Variants in ZNF428 observed in about 807,000 individuals in gnomAD.
ZNF428 encodes zinc finger protein 428.
A neutral mutation model predicts 15.6 loss-of-function variants in ZNF428; 5 were observed. The observed-to-expected ratio is 0.32, with a 90% CI of 0.17 to 0.67. The LOEUF (loss-of-function observed/expected upper bound fraction) is 0.67, where lower values mean the gene tolerates loss of function less well. Ranked by LOEUF, ZNF428 falls within the 30% of genes least tolerant of loss-of-function variation. The pLI is 0.73. For missense variants in ZNF428, 237 were observed against 256.0 expected, an observed-to-expected ratio of 0.93 and a Z score of 0.51; for synonymous variants, 97 against 102.2, an observed-to-expected ratio of 0.95 and a Z score of 0.31.
At position 43,612,218 on chromosome 19, in the gene ZNF428, A is replaced by T; in HGVS notation, c.76+2011T>A. The T allele has an allele frequency of 6.4e-7, 1 of 1,551,710 alleles. No homozygotes were observed. Among genetic ancestry groups the T allele is most frequent in the Non-Finnish European group, 8.7e-7 (1 of 1,147,000 alleles). ...GGATCCCAAGCCTCCTGCCTCCTTG[A>T]AGTCCACCAAATCAGCAACACCCAA... On this transcript the variant is annotated intron_variant, in intron 2 of 2. Transcript: ENST00000300811. The surrounding 1 kb of genome is among the most constrained non-coding windows in gnomAD (Gnocchi z 4.2).
chr19:43,614,755 C>T lies in ZNF428; in HGVS notation c.-130-321G>A, dbSNP rs535610673. On this transcript the variant is annotated intron_variant, in intron 1 of 2. Coordinates refer to ENST00000300811, the MANE Select transcript of ZNF428 (RefSeq NM_182498.4). ...CTGGAACTACAAGTGTGCGTCCTCA[C>T]GCCCGGCTAATTTTGTATTTTTAGT... 2.4e-3 allele frequency among the ~76,000 whole-genome samples: 368 copies of T among 152,308 alleles called. 6 individuals are homozygous for T. Among genetic ancestry groups the T allele is most frequent in the African/African-American group, 7.7e-3 (321 of 41,578 alleles).
Position 43,612,597 on chromosome 19 carries a change from G to A in ZNF428, c.76+1632C>T. On this transcript the variant is annotated intron_variant, in intron 2 of 2. Coordinates refer to ENST00000300811, the MANE Select transcript of ZNF428 (RefSeq NM_182498.4). This position sits in a 1 kb window ranked among gnomAD's most constrained non-coding sequence, Gnocchi z 4.2. Reference sequence around the variant, plus strand: ...AGACCAGGCATGGCCAGCAGGGTGAGAACTCCCACTTCACAGCAAAAAGGG... The same window carrying A: ...AGACCAGGCATGGCCAGCAGGGTGAAAACTCCCACTTCACAGCAAAAAGGG... 1.9e-6 allele frequency: 3 copies of A among 1,551,558 alleles called. No homozygotes were observed. Among genetic ancestry groups the A allele is most frequent in the Non-Finnish European group, 2.6e-6 (3 of 1,146,972 alleles).
chr19:43,614,239 G>A lies in ZNF428; in HGVS notation c.66C>T (p.Asp22=), dbSNP rs1468083036. 3.1e-6 allele frequency: 5 copies of A among 1,614,080 alleles called. No homozygotes were observed. The highest frequency in any genetic ancestry group is 1.3e-5 in the African/African-American group (1 of 74,924). Residue 22 remains aspartate (D), a synonymous_variant, in exon 2 of 3, where the codon GAC becomes GAT. Coordinates refer to ENST00000300811, the MANE Select transcript of ZNF428 (RefSeq NM_182498.4). ...CTAAGGCCACCTTACCTGGGGAAAG[G>A]TCTTCATCATCTTCTTCCAAGCTGG... The part of the protein sequence containing the change: ...GYASLEEDDE[D]LSPGPEHSSD...
chr19:43,615,199 C>T (rs1323393563), intron 1 of ZNF428, among the ~76,000 whole-genome samples: 1 of 152,066 alleles, frequency 6.6e-6, no homozygotes, highest in Non-Finnish European at 1.5e-5. Context: ...ATGTGTGGGG[C>T]TTTTTCCCCA....
rs1973247946 is a variant in ZNF428, at chr19:43,607,370, A to AATACACAC, written c.*239_*246dup. On this transcript the variant is annotated 3_prime_UTR_variant, in exon 3 of 3. Transcript: ENST00000300811. This position sits in a 1 kb window ranked among gnomAD's most constrained non-coding sequence, Gnocchi z 5.1. ...GTTCCCCAAGAAGGAGCCCAGGGGG[A>AATACACAC]ATACACACACACACACACACACACA... is the stretch of plus-strand genomic sequence containing the variant. 21 of 435,616 alleles carry AATACACAC rather than the reference A, an allele frequency of 4.8e-5. No individual in the cohort carries two copies. The South Asian group carries it at 1.4e-3, about 29-fold the overall frequency. 27.0% of individuals were successfully genotyped at this position (435,616 alleles called of 1,614,324 possible).
chr19:43,616,903 G>GC (rs1973376965), intron 1 of ZNF428, among the ~76,000 whole-genome samples: 1 of 148,928 alleles, frequency 6.7e-6, no homozygotes, highest in Non-Finnish European at 1.5e-5. Context: ...CCTCTACCCT[G>GC]CATCAGCCTC....
rs1040196438 is a variant in ZNF428, at chr19:43,612,717, C to T, written c.76+1512G>A. On this transcript the variant is annotated intron_variant, in intron 2 of 2. Transcript: ENST00000300811. This position sits in a 1 kb window ranked among gnomAD's most constrained non-coding sequence, Gnocchi z 4.2. ...CTGAGCAAGAAGAGTTACCGCCCAC[C>T]AGGAGGCTCAGGTATAGGGAGGAGT... 2 of 1,551,510 alleles carry T rather than the reference C, an allele frequency of 1.3e-6. No homozygotes were observed. The highest frequency in any genetic ancestry group is 8.7e-7 in the Non-Finnish European group (1 of 1,147,004).
In ZNF428 at chr19:43,613,164, G is replaced by T; in HGVS notation, c.76+1065C>A. 2.6e-6 allele frequency: 4 copies of T among 1,551,678 alleles called. No individual in the cohort carries two copies. The South Asian group carries it at 4.8e-5, about 18-fold the overall frequency. On this transcript the variant is annotated intron_variant, in intron 2 of 2. Coordinates refer to ENST00000300811, the MANE Select transcript of ZNF428 (RefSeq NM_182498.4). ...AGTCAAAACCAATCTAGAACCCCCA[G>T]AAGAGGAAGAAGTCACAACTGGTCT...
At chr19:43,609,350 T>C (rs1973271218) in intron 2 of ZNF428, among the ~76,000 whole-genome samples, 1 of 51,270 alleles carries the variant, frequency 2.0e-5, no homozygotes, top group Non-Finnish European at 4.0e-5. Context: ...CTTTTATATC[T>C]GTGGCCATGG....
At position 43,612,161 on chromosome 19, in the gene ZNF428, C is replaced by T. The variant is rs1418911225; in HGVS notation, c.76+2068G>A. On this transcript the variant is annotated intron_variant, in intron 2 of 2. Coordinates refer to ENST00000300811, the MANE Select transcript of ZNF428 (RefSeq NM_182498.4). The surrounding 1 kb of genome is among the most constrained non-coding windows in gnomAD (Gnocchi z 4.2). ...GAGATCTTCAAAGCCCAGTATGTCTCTGGCACCCAGTGGATCCTCCATGCC... is the reference window on the plus strand; with the variant it reads ...GAGATCTTCAAAGCCCAGTATGTCTTTGGCACCCAGTGGATCCTCCATGCC... The T allele has an allele frequency of 2.6e-6, 4 of 1,551,626 alleles. No individual in the cohort carries two copies. The Admixed American group carries it at 7.8e-5, about 30-fold the overall frequency.
chr19:43,610,052 C>T (rs1241394204), intron 2 of ZNF428, among the ~76,000 whole-genome samples: 1 of 152,102 alleles, frequency 6.6e-6, no homozygotes, highest in Non-Finnish European at 1.5e-5. Flanking sequence ...CCTCACCTTC[C>T]AACACCCCAG....
At chr19:43,608,611 A>T (rs1343080387) in intron 2 of ZNF428, 1 of 154,106 alleles carries the variant, frequency 6.5e-6, no homozygotes, top group Non-Finnish European at 1.4e-5. Flanking sequence ...AGCCTGGGTG[A>T]CAGAGTGAGA....
intron 2 of ZNF428, among the ~76,000 whole-genome samples, chr19:43,610,730 G>C (rs1419266385): frequency 6.6e-6 from 1 of 152,126 alleles, no homozygotes. Flanking sequence ...CCCTCTGGTG[G>C]GAATGTCCTG....
rs375446507 is a variant in ZNF428, at chr19:43,614,352, C to T, written c.-48G>A. On this transcript the variant is annotated 5_prime_UTR_variant, in exon 2 of 3. Coordinates refer to ENST00000300811, the MANE Select transcript of ZNF428 (RefSeq NM_182498.4). ...CAGGAGCAGAGCAGCAGCTGAGCAG[C>T]GTCCCTCCCCGGCCAGCTCTCCACA... 1.1e-4 allele frequency: 174 copies of T among 1,547,706 alleles called. No individual in the cohort carries two copies. Among genetic ancestry groups the T allele is most frequent in the Non-Finnish European group, 1.4e-4 (161 of 1,149,908 alleles).
At chr19:43,609,779 A>T (rs958400134) in intron 2 of ZNF428, among the ~76,000 whole-genome samples, 1 of 151,684 alleles carries the variant, frequency 6.6e-6, no homozygotes, top group Non-Finnish European at 1.5e-5. Context: ...TTTATAGTTG[A>T]TATACGGAAA....
chr19:43,610,499 T>C (rs551646756), intron 2 of ZNF428, among the ~76,000 whole-genome samples: 8 of 151,828 alleles, frequency 5.3e-5, no homozygotes, highest in African/African-American at 1.9e-4. Context: ...CGCAGCCGGC[T>C]CATTTTTCTC....
At chr19:43,615,133 T>G (rs1973359452) in intron 1 of ZNF428, among the ~76,000 whole-genome samples, 1 of 151,974 alleles carries the variant, frequency 6.6e-6, no homozygotes, top group Admixed American at 6.6e-5. Flanking sequence ...CAAACTGTGT[T>G]TTTCCTCTAC....
Position 43,609,359 on chromosome 19 carries a change from G to GGAGAGAGAGAGAGA in ZNF428, c.77-1266_77-1253dup, listed in dbSNP as rs55665674. On this transcript the variant is annotated intron_variant, in intron 2 of 2. Transcript: ENST00000300811. ...GATGTACTTTTATATCTGTGGCCAT[G>GGAGAGAGAGAGAGA]GAGAGAGAGAGAGAGAGAGTTAGGT... 5.9e-3 allele frequency among the ~76,000 whole-genome samples: 486 copies of GGAGAGAGAGAGAGA among 81,810 alleles called. 9 individuals carry two copies. Among genetic ancestry groups the GGAGAGAGAGAGAGA allele is most frequent in the African/African-American group, 0.013 (370 of 27,438 alleles). The allele number at this position is 81,810 out of a possible 152,430, so 53.7% of individuals were successfully genotyped here.
chr19:43,614,936 G>A (rs770645355), intron 1 of ZNF428, among the ~76,000 whole-genome samples: 2 of 151,992 alleles, frequency 1.3e-5, no homozygotes, highest in African/African-American at 2.4e-5. Context: ...GGGCAACAAG[G>A]CTGCCTTCTG....
Sources: gnomAD v4.1 joint callset for allele counts (sites outside exome capture counted in the v4.1 genomes callset) on GRCh38, gnomAD v4.1.1 for gene constraint, Gnocchi (gnomAD v3.1) non-coding constraint, MANE v1.5 for transcripts, NCBI Gene and HGNC (gene_info 2026-07-23, HGNC 2026-07-21) for gene names.